Variants in KIF27 observed in about 807,000 individuals in gnomAD.
KIF27 encodes the protein kinesin family member 27, also known as kinesin-like protein KIF27.
In KIF27, 84 loss-of-function variants were observed where a neutral mutation model predicts 141.8. That is an observed-to-expected ratio of 0.59 (90% CI 0.50 to 0.71). The LOEUF is 0.71. Ranked by LOEUF, KIF27 falls within the 30% of genes least tolerant of loss-of-function variation. KIF27 has a pLI of 0.00. For synonymous variants in KIF27, 471 were observed against 569.5 expected (o/e 0.83, Z 2.46); for missense variants, 1,306 against 1,628.4 (o/e 0.80, Z 3.41).
At chr9:83,908,745 C>A in intron 2 of KIF27, 93 bp from the exon 3 acceptor site, 30 of 677,412 alleles carry the variant, frequency 4.4e-5, no homozygotes, top group Non-Finnish European at 6.7e-5. Context: ...TACTACATTT[C>A]TATATATTAT....
chr9:83,848,123 C>CATATATGATATATA lies in KIF27; in HGVS notation c.3556+1975_3556+1976insTATATATCATATAT, dbSNP rs1947673875. 1.6e-4 allele frequency among the ~76,000 whole-genome samples: 6 copies of CATATATGATATATA among 36,394 alleles called. 2 individuals are homozygous for CATATATGATATATA. Among genetic ancestry groups the CATATATGATATATA allele is most frequent in the Non-Finnish European group, 2.8e-4 (6 of 21,470 alleles). The allele number at this position is 36,394 out of a possible 152,430, so 23.9% of individuals were successfully genotyped here. A position where few individuals can be genotyped will look rare whatever the true frequency, so the allele number is the denominator to read the frequency against. ...ATATGATATCTCATATCTGATATATCTGATATCTCATATATGATATATCTG... is the reference window on the plus strand; with the variant it reads ...ATATGATATCTCATATCTGATATATCATATATGATATATATGATATCTCATATATGATATATCTG... On this transcript the variant is annotated intron_variant, in intron 16 of 17. Transcript: ENST00000297814.
rs575919611 is a variant in KIF27 at position 83,834,164 on chromosome 9, A to G, written c.*2837T>C. On this transcript the variant is annotated 3_prime_UTR_variant, in exon 18 of 18. Coordinates refer to ENST00000297814, the MANE Select transcript of KIF27 (RefSeq NM_017576.4). The stretch of plus-strand genomic sequence containing the variant: ...AGAACATAATGAACGAAAAAAAGAA[A>G]ACCACAAACATTTTATATACATGCA... Among the ~76,000 whole-genome samples the G allele has an allele frequency of 1.3e-5, 2 of 152,172 alleles. No homozygotes were observed. The highest frequency in any genetic ancestry group is 2.9e-5 in the Non-Finnish European group (2 of 67,996).
chr9:83,892,529 A>C (rs1952783162), intron 5 of KIF27, among the ~76,000 whole-genome samples: 1 of 152,156 alleles, frequency 6.6e-6, no homozygotes, highest in African/African-American at 2.4e-5. Flanking sequence ...AACACAGAGG[A>C]GGAAGGATAA....
intron 11 of KIF27, 75 bp from the exon 12 acceptor site, chr9:83,870,707 C>CTTTTT (rs544179803): frequency 4.4e-5 from 56 of 1,261,362 alleles, no homozygotes; most frequent in African/African-American, 7.2e-5. Flanking sequence ...CAATTATTTT[C>CTTTTT]TTTTTTTTTT....
chr9:83,898,454 G>T lies in KIF27; in HGVS notation c.1602+1207C>A, dbSNP rs138460187. On this transcript the variant is annotated intron_variant, in intron 5 of 17. Transcript: ENST00000297814. ...ATAGTAAAACCATAAGAAAAGCAAAGAAATGATTACCATGTAAGTCAAGAG... is the reference window on the plus strand; with the variant it reads ...ATAGTAAAACCATAAGAAAAGCAAATAAATGATTACCATGTAAGTCAAGAG... Among the ~76,000 whole-genome samples the T allele has an allele frequency of 5.1e-4, 77 of 152,244 alleles. No individual in the cohort carries two copies. In the East Asian group the frequency reaches 8.7e-3, roughly 17 times the overall value.
chr9:83,873,791 T>G (rs898469652), intron 11 of KIF27, among the ~76,000 whole-genome samples: 3 of 152,190 alleles, frequency 2.0e-5, no homozygotes, highest in African/African-American at 7.2e-5. Flanking sequence ...ATACTGCACT[T>G]GTAATCCCAG....
rs553319735 is a variant in KIF27 at position 83,881,630 on chromosome 9, C to T, written c.2446-1136G>A. Among the ~76,000 whole-genome samples the T allele has an allele frequency of 3.6e-3, 542 of 152,336 alleles. 3 individuals carry two copies. Among genetic ancestry groups the T allele is most frequent in the Non-Finnish European group, 6.1e-3 (418 of 68,040 alleles). On this transcript the variant is annotated intron_variant, in intron 10 of 17. Coordinates refer to ENST00000297814, the MANE Select transcript of KIF27 (RefSeq NM_017576.4). The stretch of plus-strand genomic sequence containing the variant: ...GTGCAATGACTGACCTTTATCTCAT[C>T]ACAGAACAAGAACAATCGGCAGATG...
intron 13 of KIF27, 121 bp downstream of exon 13, chr9:83,867,563 G>C: frequency 8.1e-7 from 1 of 1,227,552 alleles, no homozygotes; most frequent in Non-Finnish European, 1.1e-6. Context: ...AGTGTATGAA[G>C]GTCCCAATTT....
intron 15 of KIF27, among the ~76,000 whole-genome samples, chr9:83,850,643 T>TGTG (rs1948451206): frequency 6.6e-6 from 1 of 150,852 alleles, no homozygotes; most frequent in Admixed American, 6.6e-5. Flanking sequence ...ATTAGCTGGG[T>TGTG]GTGGTGGTGC....
chr9:83,862,272 T>C (rs1394993799), intron 13 of KIF27, among the ~76,000 whole-genome samples: 1 of 151,886 alleles, frequency 6.6e-6, no homozygotes, highest in Non-Finnish European at 1.5e-5. Flanking sequence ...CTGAATGGTA[T>C]TGCCTAGGTT....
intron 16 of KIF27, among the ~76,000 whole-genome samples, chr9:83,848,481 T>C (rs1948113203): frequency 1.4e-5 from 2 of 144,242 alleles, no homozygotes; most frequent in Admixed American, 7.1e-5. Flanking sequence ...TATATATACA[T>C]ATAGATATGT....
At chr9:83,862,116 T>C (rs1415074117) in intron 13 of KIF27, among the ~76,000 whole-genome samples, 1 of 152,000 alleles carries the variant, frequency 6.6e-6, no homozygotes, top group Non-Finnish European at 1.5e-5. Context: ...TTTCTCCCAT[T>C]CTGTAGGTTG....
intron 3 of KIF27, among the ~76,000 whole-genome samples, 183 bp downstream of exon 3, chr9:83,908,261 CAAAAAAAA>C (rs769794962): frequency 2.7e-5 from 2 of 74,286 alleles, no homozygotes; most frequent in African/African-American, 9.5e-5. Context: ...AACTCCATCT[CAAAAAAAA>C]AAAAAAAAAA....
intron 5 of KIF27, among the ~76,000 whole-genome samples, chr9:83,896,162 G>A (rs952454058): frequency 2.6e-5 from 4 of 151,868 alleles, no homozygotes; most frequent in Non-Finnish European, 5.9e-5. Flanking sequence ...AGAATCGCTT[G>A]AGCCCGGGAG....
chr9:83,910,095 TTACA>T (rs1954996261), intron 2 of KIF27, among the ~76,000 whole-genome samples: 2 of 151,302 alleles, frequency 1.3e-5, no homozygotes, highest in Admixed American at 1.3e-4. Flanking sequence ...ACGTACGTAC[TTACA>T]TACATAATCT....
At chr9:83,870,712 T>TC in intron 11 of KIF27, 80 bp from the exon 12 acceptor site, 5 of 1,364,232 alleles carry the variant, frequency 3.7e-6, no homozygotes, top group African/African-American at 3.0e-5. Context: ...ATTTTCTTTT[T>TC]TTTTTTTTTT....
intron 16 of KIF27, among the ~76,000 whole-genome samples, chr9:83,843,798 C>T (rs953612424): frequency 5.3e-5 from 8 of 152,256 alleles, no homozygotes; most frequent in East Asian, 3.9e-4. Context: ...TCATGGCTTA[C>T]TACAGCTTCA....
intron 16 of KIF27, among the ~76,000 whole-genome samples, chr9:83,847,094 C>G (rs1947380188): frequency 6.6e-6 from 1 of 152,150 alleles, no homozygotes; most frequent in Admixed American, 6.5e-5. Flanking sequence ...GGTCCAGACC[C>G]TTCAGGAATG....
chr9:83,887,739 G>GT (rs1346077122), intron 8 of KIF27, among the ~76,000 whole-genome samples: 2 of 151,834 alleles, frequency 1.3e-5, no homozygotes, highest in Admixed American at 6.6e-5. Context: ...ACATTCCGAC[G>GT]TAAGTTTTTT....
Sources: allele counts gnomAD v4.1 joint callset (sites outside exome capture counted in the v4.1 genomes callset), GRCh38; gene constraint gnomAD v4.1.1; transcripts MANE v1.5; gene names NCBI Gene and HGNC (gene_info 2026-07-23, HGNC 2026-07-21).